SPR: variants seen among roughly 807,000 people sequenced by gnomAD.
SPR encodes the protein sepiapterin reductase, also known as Sepiapterin reductase (L-erythro-7,8-dihydrobiopterin forming).
Under a neutral mutation model 16.0 loss-of-function variants are expected in SPR, and 12 were observed. The observed-to-expected ratio is 0.75, with a 90% confidence interval of 0.48 to 1.22. The LOEUF (loss-of-function observed/expected upper bound fraction) is 1.22. SPR is among the 50% of genes most tolerant of loss of function. SPR has a pLI of 0.00. For synonymous variants in SPR, 177 were observed against 168.5 expected, an observed-to-expected ratio of 1.05 and a Z score of -0.39; for missense variants, 324 against 344.4, an observed-to-expected ratio of 0.94 and a Z score of 0.47.
In SPR at chr2:72,887,437, A is replaced by AGGGCGGGCTG. The variant is rs1331561092; in HGVS notation, c.11_20dup (p.Val9GlyfsTer35). ...CCGCCGGCGGAGAACAGGAGCATGG[A>AGGGCGGGCTG]GGGCGGGCTGGGGCGTGCTGTGTGC... On this transcript the variant is annotated frameshift_variant, in exon 1 of 3. Transcript: ENST00000234454. LOFTEE classifies it high-confidence loss of function. 2.0e-6 allele frequency: 3 copies of AGGGCGGGCTG among 1,494,488 alleles called. No homozygotes were observed. The highest frequency in any genetic ancestry group is 2.7e-6 in the Non-Finnish European group (3 of 1,127,572). The allele number at this position is 1,494,488 out of a possible 1,614,324, so 92.6% of individuals were successfully genotyped here.
chr2:72,887,796 G>A, intron 1 of SPR, 60 bp downstream of exon 1: 1 of 1,427,074 alleles, frequency 7.0e-7, no homozygotes, highest in Non-Finnish European at 9.2e-7. Flanking sequence ...CCACCGCTGG[G>A]GAATTTAAGG....
rs376170106 is a variant in SPR at position 72,888,603 on chromosome 2, A to C, written c.594A>C (p.Pro198=). 32 of 1,590,748 alleles carry C rather than the reference A, an allele frequency of 2.0e-5. No homozygotes were observed. Among genetic ancestry groups the C allele is most frequent in the Non-Finnish European group, 2.7e-5 (31 of 1,167,124 alleles). The change falls in exon 2 of 3, where the codon CCA becomes CCC. Residue 198 remains proline, a splice_region_variant and synonymous_variant. Transcript: ENST00000234454. ...EPNVRVLNYA[P]GPLDTDMQQL... ...ATGTGAGGGTGCTGAACTATGCCCC[A>C]GGTAGGTGGGAAGTCCTGCCGTCCC...
chr2:72,891,732 G>C lies in SPR; in HGVS notation c.*195G>C, dbSNP rs113032583. On this transcript the variant is annotated 3_prime_UTR_variant, in exon 3 of 3. Coordinates refer to ENST00000234454, the MANE Select transcript of SPR (RefSeq NM_003124.5). ...GCCTTACCAGTTGTCAGGAGTCTGTGCTGTGCACCCTGGGTTATAAGGAGG... is the reference window on the plus strand; with the variant it reads ...GCCTTACCAGTTGTCAGGAGTCTGTCCTGTGCACCCTGGGTTATAAGGAGG... 2.7e-5 allele frequency: 18 copies of C among 666,942 alleles called. No homozygotes were observed. The highest frequency in any genetic ancestry group is 2.2e-4 in the African/African-American group (12 of 55,634). 41.3% of individuals were successfully genotyped at this position (666,942 alleles called of 1,614,324 possible).
chr2:72,888,264 A>T, intron 1 of SPR, 50 bp from the exon 2 acceptor site: 1 of 1,593,510 alleles, frequency 6.3e-7, no homozygotes, highest in South Asian at 1.1e-5. Context: ...GGGCTGGGGA[A>T]GAAGAAAGCC....
chr2:72,891,970 G>T lies in SPR; in HGVS notation c.*433G>T, dbSNP rs1307027470. The T allele has an allele frequency of 4.4e-6, 1 of 226,334 alleles. No homozygotes were observed. Among genetic ancestry groups the T allele is most frequent in the South Asian group, 7.3e-5 (1 of 13,658 alleles). 14.0% of individuals were successfully genotyped at this position (226,334 alleles called of 1,614,324 possible). A position where few individuals can be genotyped will look rare whatever the true frequency, so the allele number is the denominator to read the frequency against. The stretch of plus-strand genomic sequence containing the variant: ...GCCTGGATGGGAGGAAGGGCAGACG[G>T]TACATGTCCCAGCCCACATAGATGC... On this transcript the variant is annotated 3_prime_UTR_variant, in exon 3 of 3. Coordinates refer to ENST00000234454, the MANE Select transcript of SPR (RefSeq NM_003124.5).
chr2:72,887,716 T>G lies in SPR; in HGVS notation c.284T>G (p.Leu95Arg). 1 of 1,512,836 alleles carries G rather than the reference T, an allele frequency of 6.6e-7. No homozygotes were observed. Among genetic ancestry groups the G allele is most frequent in the South Asian group, 1.2e-5 (1 of 82,354 alleles). 93.7% of individuals were successfully genotyped at this position (1,512,836 alleles called of 1,614,324 possible). The change falls in exon 1 of 3, where the codon CTG becomes CGG. Residue 95 changes from leucine to arginine, a missense_variant. Leu to Arg is a moderately radical substitution (Grantham distance 102, BLOSUM62 -2). Transcript: ENST00000234454. ...CCCCGGCCCAAGGGGCTGCAGCGAC[T>G]GCTGCTTATCAACAACGCGGGTAAG... ...ELPRPKGLQR[L>R]LLINNAGSLG...
chr2:72,891,496 G>C lies in SPR; in HGVS notation c.745G>C (p.Glu249Gln), dbSNP rs369387459. The change falls in exon 3 of 3, where the codon GAG becomes CAG. Residue 249 changes from glutamate to glutamine, a missense_variant. Coordinates refer to ENST00000234454, the MANE Select transcript of SPR (RefSeq NM_003124.5). The part of the protein sequence containing the change: ...QKLLSLLEKD[E>Q]FKSGAHVDFY... ...ACTGCTGAGCTTACTGGAAAAGGAC[G>C]AGTTCAAGTCTGGAGCCCACGTGGA... is the stretch of plus-strand genomic sequence containing the variant. 1.2e-6 allele frequency: 2 copies of C among 1,614,206 alleles called. No individual in the cohort carries two copies. The highest frequency in any genetic ancestry group is 4.5e-5 in the East Asian group (2 of 44,886).
intron 2 of SPR, among the ~76,000 whole-genome samples, chr2:72,888,865 G>A (rs777059447): frequency 2.0e-5 from 3 of 152,206 alleles, no homozygotes; most frequent in South Asian, 2.1e-4. Flanking sequence ...GAGTTTGGGA[G>A]AAGACTGGGG....
Position 72,891,394 on chromosome 2 carries a change from G to GA in SPR, c.644dup (p.Asp215GlufsTer46), listed in dbSNP as rs778602918. 3 of 1,614,174 alleles carry GA rather than the reference G, an allele frequency of 1.9e-6. No homozygotes were observed. The highest frequency in any genetic ancestry group is 2.5e-6 in the Non-Finnish European group (3 of 1,180,042). On this transcript the variant is annotated frameshift_variant, in exon 3 of 3. Coordinates refer to ENST00000234454, the MANE Select transcript of SPR (RefSeq NM_003124.5). LOFTEE classifies it high-confidence loss of function. ...GCAGTTGGCCCGGGAGACCTCCGTG[G>GA]ACCCAGACATGCGAAAAGGGCTGCA... is the stretch of plus-strand genomic sequence containing the variant.
In SPR at chr2:72,890,758, A is replaced by C. The variant is rs540857935; in HGVS notation, c.596-589A>C. Among the ~76,000 whole-genome samples the C allele has an allele frequency of 1.6e-3, 251 of 152,326 alleles. 1 individual carries two copies. The highest frequency in any genetic ancestry group is 5.9e-3 in the African/African-American group (247 of 41,576). The stretch of plus-strand genomic sequence containing the variant: ...GAGACAGGGTTTCACCATGTTGGCC[A>C]GGCTGGTCTCAAACTCCTGACCTCA... On this transcript the variant is annotated intron_variant, in intron 2 of 2. Coordinates refer to ENST00000234454, the MANE Select transcript of SPR (RefSeq NM_003124.5).
At chr2:72,888,977 G>C (rs1670582413) in intron 2 of SPR, among the ~76,000 whole-genome samples, 1 of 152,196 alleles carries the variant, frequency 6.6e-6, no homozygotes, top group African/African-American at 2.4e-5. Context: ...AAATGACCCT[G>C]ACCTGTGAAG....
rs752737342 is a variant in SPR at position 72,887,431 on chromosome 2, G to A, written c.-2G>A. ...CCAGCGCCGCCGGCGGAGAACAGGA[G>A]CATGGAGGGCGGGCTGGGGCGTGCT... is the stretch of plus-strand genomic sequence containing the variant. On this transcript the variant is annotated 5_prime_UTR_variant, in exon 1 of 3. Coordinates refer to ENST00000234454, the MANE Select transcript of SPR (RefSeq NM_003124.5). The A allele has an allele frequency of 1.3e-6, 2 of 1,492,178 alleles. No individual in the cohort carries two copies. Among genetic ancestry groups the A allele is most frequent in the Admixed American group, 4.6e-5 (2 of 43,860 alleles). 92.4% of individuals were successfully genotyped at this position (1,492,178 alleles called of 1,614,324 possible).
Position 72,891,694 on chromosome 2 carries a change from TC to T in SPR, c.*160del. On this transcript the variant is annotated 3_prime_UTR_variant, in exon 3 of 3. Transcript: ENST00000234454. ...CCCTCAGGCACAGCCAGCTGTGAGC[TC>T]CCAGGTCATTGGCCTTACCAGTTGT... The T allele has an allele frequency of 1.2e-6, 1 of 854,872 alleles. No individual in the cohort carries two copies. The highest frequency in any genetic ancestry group is 1.9e-6 in the Non-Finnish European group (1 of 531,662). 53.0% of individuals were successfully genotyped at this position (854,872 alleles called of 1,614,324 possible).
rs1670629026 is a variant in SPR at position 72,891,952 on chromosome 2, TGGGA to T, written c.*418_*421del. 4.2e-6 allele frequency: 1 copy of T among 239,412 alleles called. No individual in the cohort carries two copies. The highest frequency in any genetic ancestry group is 2.2e-5 in the African/African-American group (1 of 45,490). The allele number at this position is 239,412 out of a possible 1,614,324, so 14.8% of individuals were successfully genotyped here. ...CATGTAGATTCGCAGATGGCCTGGA[TGGGA>T]GGAAGGGCAGACGGTACATGTCCCA... On this transcript the variant is annotated 3_prime_UTR_variant, in exon 3 of 3. Coordinates refer to ENST00000234454, the MANE Select transcript of SPR (RefSeq NM_003124.5).
chr2:72,888,637 A>G, intron 2 of SPR, 33 bp downstream of exon 2: 5 of 1,569,064 alleles, frequency 3.2e-6, no homozygotes, highest in Non-Finnish European at 3.5e-6. Context: ...CCTGTCCTCC[A>G]GAACCCACTG....
chr2:72,888,506 G>A lies in SPR; in HGVS notation c.497G>A (p.Gly166Asp), dbSNP rs1404932614. 29 of 1,613,252 alleles carry A rather than the reference G, an allele frequency of 1.8e-5. No homozygotes were observed. The highest frequency in any genetic ancestry group is 2.5e-5 in the Non-Finnish European group (29 of 1,179,580). ...CTCTGTGCCCTGCAACCTTTCAAAGGCTGGGCGCTGTACTGTGCAGGAAAG... is the reference window on the plus strand; with the variant it reads ...CTCTGTGCCCTGCAACCTTTCAAAGACTGGGCGCTGTACTGTGCAGGAAAG... ...SSLCALQPFK[G>D]WALYCAGKAA... Residue 166 changes from glycine to aspartate, a missense_variant, in exon 2 of 3, where the codon GGC becomes GAC. Physicochemically the swap from Gly to Asp is moderately conservative, Grantham distance 94. Transcript: ENST00000234454.
At position 72,887,685 on chromosome 2, in the gene SPR, G is replaced by T; in HGVS notation, c.253G>T (p.Glu85Ter). The T allele has an allele frequency of 6.7e-7, 1 of 1,499,098 alleles. No homozygotes were observed. The highest frequency in any genetic ancestry group is 1.2e-5 in the South Asian group (1 of 80,746). 92.9% of individuals were successfully genotyped at this position (1,499,098 alleles called of 1,614,324 possible). A position where few individuals can be genotyped will look rare whatever the true frequency, so the allele number is the denominator to read the frequency against. The part of the protein sequence containing the change: ...GLQQLLGALR[E>*]LPRPKGLQRL... ...GCAGCAGCTGCTCGGCGCCCTGCGCGAGCTCCCCCGGCCCAAGGGGCTGCA... is the reference window on the plus strand; with the variant it reads ...GCAGCAGCTGCTCGGCGCCCTGCGCTAGCTCCCCCGGCCCAAGGGGCTGCA... Residue 85 changes from glutamate to a stop codon, truncating the protein, a stop_gained, in exon 1 of 3, where the codon GAG becomes TAG. Transcript: ENST00000234454. LOFTEE classifies it high-confidence loss of function.
At chr2:72,888,672 C>T (rs952294049) in intron 2 of SPR, 68 bp downstream of exon 2, 35 of 1,487,350 alleles carry the variant, frequency 2.4e-5, no homozygotes, top group African/African-American at 7.0e-5. Context: ...GCTGGGCAAG[C>T]GGCCTAGTCC....
intron 2 of SPR, among the ~76,000 whole-genome samples, chr2:72,890,244 G>A (rs1670598387): frequency 1.3e-5 from 2 of 152,206 alleles, no homozygotes; most frequent in Non-Finnish European, 2.9e-5. Flanking sequence ...CCCAGAGGAG[G>A]GCAGACTAGG....
Sources: allele counts gnomAD v4.1 joint callset (sites outside exome capture counted in the v4.1 genomes callset), GRCh38; gene constraint gnomAD v4.1.1; transcripts MANE v1.5; gene names NCBI Gene and HGNC (gene_info 2026-07-23, HGNC 2026-07-21).